The following TRIM55 variants were observed in gnomAD, a reference collection of about 807,000 sequenced individuals.
The protein encoded by TRIM55 is tripartite motif containing 55, also known as tripartite motif-containing protein 55.
Under a neutral mutation model 60.9 loss-of-function variants are expected in TRIM55, and 50 were observed. The observed-to-expected ratio is 0.82, with a 90% CI of 0.65 to 1.04. TRIM55 has a LOEUF of 1.04. Ranked by LOEUF, TRIM55 falls within the 50% of genes least tolerant of loss-of-function variation. TRIM55 has a pLI of 0.00. For synonymous variants in TRIM55, 237 were observed against 238.1 expected (o/e 1.00, Z 0.04); for missense variants, 681 against 666.9 (o/e 1.02, Z -0.23).
chr8:66,163,258 C>T (rs2128984764), intron 9 of TRIM55, among the ~76,000 whole-genome samples: 1 of 151,994 alleles, frequency 6.6e-6, no homozygotes, highest in East Asian at 1.9e-4. Context: ...ATTTTTTGGT[C>T]AGTTTTTCTA....
intron 9 of TRIM55, among the ~76,000 whole-genome samples, chr8:66,172,972 T>C (rs112402969): frequency 1.2e-3 from 179 of 152,274 alleles, no homozygotes; most frequent in African/African-American, 3.6e-3. Flanking sequence ...GGGTTTGTTT[T>C]TTGTTTGTTT....
intron 2 of TRIM55, among the ~76,000 whole-genome samples, chr8:66,128,755 C>A (rs1415480542): frequency 6.6e-6 from 1 of 152,032 alleles, no homozygotes; most frequent in African/African-American, 2.4e-5. Context: ...TACTGCTGTC[C>A]CCCTCCACCT....
At chr8:66,171,531 CT>C (rs1811633505) in intron 9 of TRIM55, among the ~76,000 whole-genome samples, 2 of 151,990 alleles carry the variant, frequency 1.3e-5, no homozygotes, top group Admixed American at 1.3e-4. Flanking sequence ...TGTTGTTTAC[CT>C]TTTTATACAT....
At chr8:66,114,087 C>CG in the TRIM55 span, among the ~76,000 whole-genome samples, 4 of 132,572 alleles carry the variant, frequency 3.0e-5, no homozygotes, top group Non-Finnish European at 6.6e-5. Context: ...GAGACACCCC[C>CG]CCCCCCATTA....
At chr8:66,145,233 T>C (rs1158833290) in intron 4 of TRIM55, among the ~76,000 whole-genome samples, 1 of 152,222 alleles carries the variant, frequency 6.6e-6, no homozygotes, top group African/African-American at 2.4e-5. Context: ...TCATGGAGTA[T>C]TTCACATTTG....
chr8:66,147,568 G>A (rs559503360), intron 4 of TRIM55, among the ~76,000 whole-genome samples: 23 of 152,042 alleles, frequency 1.5e-4, no homozygotes, highest in Non-Finnish European at 1.5e-4. Context: ...AGGCCGAGGC[G>A]GGTGGATCAT....
intron 3 of TRIM55, among the ~76,000 whole-genome samples, chr8:66,136,200 A>G (rs1230651818): frequency 6.6e-6 from 1 of 152,180 alleles, no homozygotes; most frequent in African/African-American, 2.4e-5. Context: ...ACTGGATGGT[A>G]GCTGTTTCAC....
At chr8:66,152,251 T>A in intron 7 of TRIM55, 126 bp from the exon 8 acceptor site, 2 of 1,307,430 alleles carry the variant, frequency 1.5e-6, no homozygotes, top group Non-Finnish European at 2.0e-6. Flanking sequence ...TGGACCATTG[T>A]CAAGTGTCTG....
chr8:66,167,955 G>T (rs1811415764), intron 9 of TRIM55, among the ~76,000 whole-genome samples: 1 of 152,012 alleles, frequency 6.6e-6, no homozygotes, highest in Admixed American at 6.6e-5. Context: ...ATGCCATATT[G>T]CCCAGGCTGG....
At chr8:66,145,327 C>T (rs1425013590) in intron 4 of TRIM55, among the ~76,000 whole-genome samples, 1 of 152,124 alleles carries the variant, frequency 6.6e-6, no homozygotes, top group African/African-American at 2.4e-5. Context: ...AAAGAAGAGG[C>T]ATGTATTTTT....
chr8:66,124,840 A>T (rs538208064), upstream of TRIM55, among the ~76,000 whole-genome samples: 3 of 152,350 alleles, frequency 2.0e-5, no homozygotes, highest in South Asian at 6.2e-4. Flanking sequence ...CTGACAGTGT[A>T]AATTGACAGC....
intron 2 of TRIM55, among the ~76,000 whole-genome samples, chr8:66,132,378 G>T (rs1020407284): frequency 6.6e-6 from 1 of 152,202 alleles, no homozygotes; most frequent in Admixed American, 6.5e-5. Flanking sequence ...GCTTGAACCC[G>T]GGAAGGTGGA....
chr8:66,130,882 C>T (rs1203657513), intron 2 of TRIM55, among the ~76,000 whole-genome samples: 2 of 151,710 alleles, frequency 1.3e-5, no homozygotes, highest in African/African-American at 2.4e-5. Flanking sequence ...AGGATAGTCT[C>T]GATCTCCTGA....
intron 9 of TRIM55, among the ~76,000 whole-genome samples, chr8:66,157,803 C>A (rs1296929550): frequency 6.6e-6 from 1 of 152,134 alleles, no homozygotes; most frequent in Non-Finnish European, 1.5e-5. Flanking sequence ...TGGTGCTGAA[C>A]AATTTCTGCT....
upstream of TRIM55, among the ~76,000 whole-genome samples, chr8:66,122,783 A>G (rs1475799795): frequency 6.6e-6 from 1 of 152,228 alleles, no homozygotes; most frequent in Non-Finnish European, 1.5e-5. Flanking sequence ...ACACTAAAAC[A>G]GAGATCTTAA....
chr8:66,137,391 TACC>T (rs1282058078), intron 4 of TRIM55, among the ~76,000 whole-genome samples: 3 of 152,242 alleles, frequency 2.0e-5, no homozygotes, highest in African/African-American at 7.2e-5. Context: ...AGGCAGATGT[TACC>T]ACAATTACTA....
the TRIM55 span, among the ~76,000 whole-genome samples, chr8:66,120,555 C>T: frequency 1.3e-5 from 2 of 152,136 alleles, no homozygotes; most frequent in Non-Finnish European, 1.5e-5. Flanking sequence ...CTAATGATTC[C>T]ATCAATCATG....
At chr8:66,157,848 T>C (rs1001495745) in intron 9 of TRIM55, among the ~76,000 whole-genome samples, 38 of 152,074 alleles carry the variant, frequency 2.5e-4, no homozygotes, top group Admixed American at 9.8e-4. Flanking sequence ...TTCACCCAAG[T>C]ACACAGGCAA....
rs150038117 is a variant in TRIM55 at position 66,150,445 on chromosome 8, C to G, written c.964C>G (p.Arg322Gly). ...VNLNREEKII[R>G]EIDFYREDED... ...CCTCAATAGAGAAGAAAAGATAATA[C>G]GTGAAATTGACTTTTACAGAGGTTT... The change falls in exon 7 of 10, where the codon CGT becomes GGT. Residue 322 changes from arginine (R) to glycine (G), a missense_variant. Transcript: ENST00000315962. The G allele has an allele frequency of 2.0e-5, 32 of 1,613,880 alleles. No homozygotes were observed. The highest frequency in any genetic ancestry group is 2.6e-5 in the Non-Finnish European group (31 of 1,179,986).
Sources: gnomAD v4.1 joint callset for allele counts (sites outside exome capture counted in the v4.1 genomes callset) on GRCh38, gnomAD v4.1.1 for gene constraint, MANE v1.5 for transcripts, NCBI Gene and HGNC (gene_info 2026-07-23, HGNC 2026-07-21) for gene names.